CFAP70: variants seen among roughly 807,000 people sequenced by gnomAD.
The protein encoded by CFAP70 is cilia and flagella associated protein 70.
In CFAP70, 81 loss-of-function variants were observed where a neutral mutation model predicts 137.6. The observed-to-expected ratio is 0.59, with a 90% CI of 0.49 to 0.71. The LOEUF (loss-of-function observed/expected upper bound fraction) is 0.71, where lower values mean the gene tolerates loss of function less well. CFAP70 is among the 30% of genes least tolerant of loss of function. CFAP70 has a pLI of 0.00. For synonymous variants in CFAP70, 382 were observed against 423.6 expected (o/e 0.90, Z 1.20); for missense variants, 976 against 1,226.7 (o/e 0.80, Z 3.05).
chr10:73,327,837 G>T (rs2051630660), intron 8 of CFAP70, among the ~76,000 whole-genome samples: 1 of 152,146 alleles, frequency 6.6e-6, no homozygotes, highest in African/African-American at 2.4e-5. Flanking sequence ...CAAAATAAAA[G>T]AGGATACAAA....
chr10:73,275,644 G>A lies in CFAP70; in HGVS notation c.2521-46C>T. 6.9e-7 allele frequency: 1 copy of A among 1,448,226 alleles called. No individual in the cohort carries two copies. Among genetic ancestry groups the A allele is most frequent in the Non-Finnish European group, 9.1e-7 (1 of 1,094,042 alleles). The allele number at this position is 1,448,226 out of a possible 1,614,324, so 89.7% of individuals were successfully genotyped here. A position where few individuals can be genotyped will look rare whatever the true frequency, so the allele number is the denominator to read the frequency against. On this transcript the variant is annotated intron_variant, in intron 21 of 26. Coordinates refer to ENST00000310715, the Ensembl canonical transcript of CFAP70. This position sits in a 1 kb window ranked among gnomAD's most constrained non-coding sequence, Gnocchi z 4.0. ...TAAGCAACATATAAATGGCTGCATT[G>A]CGTCTTTTTCGGTTGAAGGATTCTG...
Position 73,354,639 on chromosome 10 carries a change from AG to A in CFAP70, c.63+94del, listed in dbSNP as rs535092757. On this transcript the variant is annotated intron_variant, in intron 2 of 26. Transcript: ENST00000310715. ...CGGAATGCCACTGCTACATAAAGCC[AG>A]GAGGTTTGGAGGTAGAGAATGAAGC... is the stretch of plus-strand genomic sequence containing the variant. The A allele has an allele frequency of 2.6e-4, 251 of 949,674 alleles. 4 individuals carry two copies. In the South Asian group the frequency reaches 3.3e-3, roughly 12 times the overall value. The allele number at this position is 949,674 out of a possible 1,614,324, so 58.8% of individuals were successfully genotyped here. A position where few individuals can be genotyped will look rare whatever the true frequency, so the allele number is the denominator to read the frequency against.
chr10:73,327,437 A>T (rs1160171790), intron 8 of CFAP70, among the ~76,000 whole-genome samples: 1 of 151,522 alleles, frequency 6.6e-6, no homozygotes, highest in Non-Finnish European at 1.5e-5. Context: ...CAAGACAGGG[A>T]TGCCCTCTCT....
intron 20 of CFAP70, among the ~76,000 whole-genome samples, chr10:73,277,631 T>G (rs986810299): frequency 6.6e-6 from 1 of 151,660 alleles, no homozygotes. Flanking sequence ...GAGAATCACT[T>G]GAACCAAGGA....
chr10:73,299,719 G>C, intron 12 of CFAP70, 54 bp from the exon 14 acceptor site: 1 of 1,407,070 alleles, frequency 7.1e-7, no homozygotes, highest in Non-Finnish European at 9.7e-7. Flanking sequence ...ATTATCTACA[G>C]ATGTATATTT....
At chr10:73,356,204 T>G (rs1354537904) in intron 1 of CFAP70, among the ~76,000 whole-genome samples, 1 of 151,762 alleles carries the variant, frequency 6.6e-6, no homozygotes, top group Non-Finnish European at 1.5e-5. Context: ...CTCTCCTTCC[T>G]TCCTTTTTTT....
In CFAP70 at chr10:73,273,115, A is replaced by G. The variant is rs1289135110; in HGVS notation, c.2836-98T>C. 5 of 931,488 alleles carry G rather than the reference A, an allele frequency of 5.4e-6. No individual in the cohort carries two copies. In the African/African-American group the frequency reaches 8.2e-5, roughly 15 times the overall value. The allele number at this position is 931,488 out of a possible 1,614,324, so 57.7% of individuals were successfully genotyped here. ...ATCTCTGATAATTGCTCTCCAGAAC[A>G]ATCTAAGTTAAGCAAGTCCTTTAAT... On this transcript the variant is annotated intron_variant, in intron 23 of 26. Transcript: ENST00000310715.
At chr10:73,308,423 G>A (rs1033266495) in intron 12 of CFAP70, among the ~76,000 whole-genome samples, 1 of 152,140 alleles carries the variant, frequency 6.6e-6, no homozygotes, top group African/African-American at 2.4e-5. Context: ...GAGGTCAGGA[G>A]TTCGAGACCA....
At chr10:73,317,013 T>C (rs958093032) in intron 9 of CFAP70, among the ~76,000 whole-genome samples, 4 of 152,140 alleles carry the variant, frequency 2.6e-5, no homozygotes, top group Non-Finnish European at 4.4e-5. Context: ...GATGTCTTTA[T>C]TTTACCTTTG....
At chr10:73,265,320 C>CAAA (rs796977521) in intron 25 of CFAP70, among the ~76,000 whole-genome samples, 4 of 85,900 alleles carry the variant, frequency 4.7e-5, no homozygotes, top group East Asian at 6.7e-4. Flanking sequence ...GACTCCATCT[C>CAAA]AAAAAAAAAA....
At chr10:73,336,920 A>G (rs1044735672) in intron 6 of CFAP70, among the ~76,000 whole-genome samples, 10 of 152,134 alleles carry the variant, frequency 6.6e-5, no homozygotes. Context: ...CTGGTAATTT[A>G]TATAATTAAT....
At chr10:73,290,791 G>A (rs567171352) in intron 19 of CFAP70, among the ~76,000 whole-genome samples, 1 of 152,088 alleles carries the variant, frequency 6.6e-6, no homozygotes, top group Non-Finnish European at 1.5e-5. Flanking sequence ...TGTTAGAATG[G>A]TGCCCCTTTT....
intron 10 of CFAP70, 142 bp from the exon 12 acceptor site, chr10:73,312,056 G>A: frequency 1.5e-6 from 1 of 659,446 alleles, no homozygotes; most frequent in Admixed American, 2.9e-5. Flanking sequence ...TGCAGGGATG[G>A]ATGAAGCTGG....
At chr10:73,358,172 C>T (rs1442343215) in intron 1 of CFAP70, among the ~76,000 whole-genome samples, 2 of 152,254 alleles carry the variant, frequency 1.3e-5, no homozygotes, top group East Asian at 3.8e-4. Flanking sequence ...CTCATTTACA[C>T]CCTTGAAGGC....
rs2050452753 is a variant in CFAP70, at chr10:73,317,069, A to G, written c.913-4426T>C. ...GAGAGAGAGTCTCACTCTGTCATCT[A>G]GGCTGGAGTGCAGTGGCACGATCTT... is the stretch of plus-strand genomic sequence containing the variant. On this transcript the variant is annotated intron_variant, in intron 9 of 26. Coordinates refer to ENST00000310715, the Ensembl canonical transcript of CFAP70. 3.3e-5 allele frequency among the ~76,000 whole-genome samples: 5 copies of G among 152,178 alleles called. No homozygotes were observed. In the South Asian group the frequency reaches 6.2e-4, roughly 19 times the overall value.
chr10:73,302,071 T>C (rs977533794), intron 12 of CFAP70, among the ~76,000 whole-genome samples: 1 of 152,122 alleles, frequency 6.6e-6, no homozygotes, highest in African/African-American at 2.4e-5. Flanking sequence ...TACATGTAAG[T>C]CCCAGATGAG....
exon 11 of CFAP70, chr10:73,311,913 T>C (rs1183113066): frequency 1.2e-6 from 2 of 1,613,098 alleles, no homozygotes; most frequent in Admixed American, 3.3e-5. Flanking sequence ...ACTAGGTGCC[T>C]GCTGAAAGAA....
At chr10:73,321,839 AGTT>A (rs1366568593) in intron 9 of CFAP70, among the ~76,000 whole-genome samples, 1 of 152,076 alleles carries the variant, frequency 6.6e-6, no homozygotes, top group Non-Finnish European at 1.5e-5. Context: ...GCTGTAATGA[AGTT>A]GTGCAATTTC....
chr10:73,299,870 A>G (rs986008291), intron 12 of CFAP70, among the ~76,000 whole-genome samples: 1 of 152,164 alleles, frequency 6.6e-6, no homozygotes, highest in Non-Finnish European at 1.5e-5. Context: ...ACCATACAGA[A>G]GGGAGGTGAG....
Sources: allele counts gnomAD v4.1 joint callset (sites outside exome capture counted in the v4.1 genomes callset), GRCh38; gene constraint gnomAD v4.1.1; non-coding constraint Gnocchi (gnomAD v3.1); transcripts MANE v1.5; gene names NCBI Gene and HGNC (gene_info 2026-07-23, HGNC 2026-07-21).